The following PDZD7 variants were observed in gnomAD, a reference collection of about 807,000 sequenced individuals.
The protein encoded by PDZD7 is PDZ domain containing 7.
PDZD7 carries 72 observed loss-of-function variants against 84.7 expected under a neutral mutation model. That is an observed-to-expected ratio of 0.85 (90% CI 0.70 to 1.03). The LOEUF (loss-of-function observed/expected upper bound fraction) is 1.03. Ranked by LOEUF, PDZD7 falls within the 50% of genes least tolerant of loss-of-function variation. The probability of loss-of-function intolerance (pLI) is 0.00; values close to 1 mark genes in which losing one functional copy is unlikely to be tolerated. For missense variants in PDZD7, 1,490 were observed against 1,412.9 expected (o/e 1.05, Z -0.87); for synonymous variants, 594 against 580.7 (o/e 1.02, Z -0.33).
intron 14 of PDZD7, chr10:101,011,119 C>T: frequency 7.9e-7 from 1 of 1,270,848 alleles, no homozygotes. Context: ...TGGCTCACTG[C>T]AACCTCCACC....
rs3051194 is a variant in PDZD7, at chr10:101,026,663, T to TCACACACACA, written c.227-2605_227-2596dup. Among the ~76,000 whole-genome samples the TCACACACACA allele has an allele frequency of 2.6e-3, 319 of 123,884 alleles. 3 individuals are homozygous for TCACACACACA. Among genetic ancestry groups the TCACACACACA allele is most frequent in the Admixed American group, 3.6e-3 (44 of 12,132 alleles). 81.3% of individuals were successfully genotyped at this position (123,884 alleles called of 152,430 possible). The stretch of plus-strand genomic sequence containing the variant: ...TCTAGAGGTGTTTGACAGGGAGAAA[T>TCACACACACA]CACACACACACACACACACACACAC... On this transcript the variant is annotated intron_variant, in intron 2 of 16. Coordinates refer to ENST00000619208, the MANE Select transcript of PDZD7 (RefSeq NM_001195263.2).
At chr10:101,017,888 AAAG>A (rs1315654190) in intron 9 of PDZD7, 9 of 197,744 alleles carry the variant, frequency 4.6e-5, no homozygotes, top group Admixed American at 8.6e-5. Flanking sequence ...AGAAAGAAAG[AAAG>A]AAAAGAAAGA....
At chr10:101,020,809 G>A in intron 6 of PDZD7, 131 bp from the exon 7 acceptor site, 1 of 694,336 alleles carries the variant, frequency 1.4e-6, no homozygotes, top group Non-Finnish European at 2.5e-6. Flanking sequence ...TCATGCTCTG[G>A]CCGCACAGGC....
At chr10:101,009,789 T>C (rs1852334934) in intron 15 of PDZD7, among the ~76,000 whole-genome samples, 1 of 152,064 alleles carries the variant, frequency 6.6e-6, no homozygotes, top group South Asian at 2.1e-4. Context: ...GTATTTTTAG[T>C]AGAGACAGGG....
intron 11 of PDZD7, among the ~76,000 whole-genome samples, chr10:101,015,326 C>A (rs1033272575): frequency 6.6e-6 from 1 of 152,196 alleles, no homozygotes; most frequent in African/African-American, 2.4e-5. Flanking sequence ...TCTAGGAGGG[C>A]CTCCCAGCCC....
Position 101,008,312 on chromosome 10 carries a change from G to A in PDZD7, c.*155C>T, listed in dbSNP as rs563897201. The A allele has an allele frequency of 1.4e-5, 11 of 802,976 alleles. No homozygotes were observed. In the African/African-American group the frequency reaches 1.4e-4, roughly 10 times the overall value. 49.7% of individuals were successfully genotyped at this position (802,976 alleles called of 1,614,324 possible). A position where few individuals can be genotyped will look rare whatever the true frequency, so the allele number is the denominator to read the frequency against. ...AAGGCAGAGCCTTAATGACAGCTGA[G>A]GAGGGAAGAAAGTGGAAAGATGTGA... On this transcript the variant is annotated 3_prime_UTR_variant, in exon 17 of 17. Transcript: ENST00000619208.
chr10:101,008,281 G>A lies in PDZD7; in HGVS notation c.*186C>T. 1 of 672,878 alleles carries A rather than the reference G, an allele frequency of 1.5e-6. No individual in the cohort carries two copies. Among genetic ancestry groups the A allele is most frequent in the East Asian group, 2.7e-5 (1 of 36,442 alleles). The allele number at this position is 672,878 out of a possible 1,614,324, so 41.7% of individuals were successfully genotyped here. A position where few individuals can be genotyped will look rare whatever the true frequency, so the allele number is the denominator to read the frequency against. On this transcript the variant is annotated 3_prime_UTR_variant, in exon 17 of 17. Coordinates refer to ENST00000619208, the MANE Select transcript of PDZD7 (RefSeq NM_001195263.2). ...GCTGCCCACTAGCACCTTGTCCTTG[G>A]ACACTAAGGCAGAGCCTTAATGACA...
intron 4 of PDZD7, 25 bp from the exon 5 acceptor site, chr10:101,022,410 G>C: frequency 6.2e-7 from 1 of 1,613,322 alleles, no homozygotes; most frequent in South Asian, 1.1e-5. Context: ...GGGGCCCTCA[G>C]GTGGGGTCCT....
chr10:101,017,839 G>C, intron 9 of PDZD7: 2 of 91,142 alleles, frequency 2.2e-5, no homozygotes, highest in Non-Finnish European at 4.4e-5. Flanking sequence ...AGGAAGGAAG[G>C]AAAGAAAGAA....
chr10:101,015,464 ATGTGTGTGTG>A (rs10579208), intron 11 of PDZD7, among the ~76,000 whole-genome samples, 162 bp downstream of exon 11: 4 of 149,680 alleles, frequency 2.7e-5, no homozygotes, highest in South Asian at 4.2e-4. Context: ...GAGCTGGCAG[ATGTGTGTGTG>A]TGTGTGTGTG....
At chr10:101,023,350 C>T (rs1348951187) in intron 4 of PDZD7, 86 bp downstream of exon 4, 2 of 1,537,156 alleles carry the variant, frequency 1.3e-6, no homozygotes, top group East Asian at 2.3e-5. Context: ...GAACAGAAGC[C>T]TCTCCTGCCA....
chr10:101,021,904 A>G lies in PDZD7; in HGVS notation c.761T>C (p.Val254Ala). The change falls in exon 6 of 17, where the codon GTG becomes GCG. Residue 254 changes from valine (V) to alanine (A), a missense_variant. Transcript: ENST00000619208. The part of the protein sequence containing the change: ...GGLAEENGIK[V>A]GDQVLAANGV... The stretch of plus-strand genomic sequence containing the variant: ...GTTGGCTGCCAGGACCTGGTCCCCC[A>G]CCTTGATGCCATTCTCCTCGGCCAG... The G allele has an allele frequency of 6.2e-7, 1 of 1,613,504 alleles. No homozygotes were observed. The highest frequency in any genetic ancestry group is 8.5e-7 in the Non-Finnish European group (1 of 1,179,862).
chr10:101,029,895 T>C (rs1304615883), intron 2 of PDZD7, 99 bp downstream of exon 2: 36 of 1,270,856 alleles, frequency 2.8e-5, no homozygotes, highest in Middle Eastern at 2.7e-4. Flanking sequence ...TCTCTTGAAT[T>C]CCCCCAATCA....
In PDZD7 at chr10:101,010,704, G is replaced by T. The variant is rs755604146; in HGVS notation, c.2185C>A (p.Arg729=). ...DVPVDAFTPL[R]IACTPPPQLP... ...TGGGGAGGGGGTGTGCAGGCAATTC[G>T]GAGGGGGGTGAAGGCATCTACTGGC... is the stretch of plus-strand genomic sequence containing the variant. The change falls in exon 15 of 17, where the codon CGA becomes AGA. Residue 729 remains arginine (R), a synonymous_variant. Transcript: ENST00000619208. 13 of 1,386,242 alleles carry T rather than the reference G, an allele frequency of 9.4e-6. No homozygotes were observed. In the South Asian group the frequency reaches 1.6e-4, roughly 17 times the overall value. The allele number at this position is 1,386,242 out of a possible 1,614,324, so 85.9% of individuals were successfully genotyped here.
intron 14 of PDZD7, 75 bp downstream of exon 14, chr10:101,011,615 A>T (rs556043519): frequency 1.8e-5 from 27 of 1,515,586 alleles, no homozygotes; most frequent in Non-Finnish European, 2.3e-5. Flanking sequence ...TGGGGAAAGA[A>T]GTAGAAGGCC....
At chr10:101,011,872 T>C (rs1258241151) in intron 13 of PDZD7, 53 bp downstream of exon 13, 5 of 1,549,026 alleles carry the variant, frequency 3.2e-6, no homozygotes, top group Middle Eastern at 1.9e-4. Flanking sequence ...CGGGGTCCCA[T>C]CCCCACCCCC....
At chr10:101,029,133 G>A (rs1370873447) in intron 2 of PDZD7, among the ~76,000 whole-genome samples, 1 of 152,210 alleles carries the variant, frequency 6.6e-6, no homozygotes, top group Non-Finnish European at 1.5e-5. Flanking sequence ...CTCCGCACCT[G>A]GCATTCTAGG....
chr10:101,008,600 A>G lies in PDZD7; in HGVS notation c.2969T>C (p.Leu990Pro), dbSNP rs1207166469. The G allele has an allele frequency of 1.3e-6, 2 of 1,535,548 alleles. No homozygotes were observed. The highest frequency in any genetic ancestry group is 4.9e-5 in the East Asian group (2 of 40,902). Residue 990 changes from leucine to proline, a missense_variant, in exon 17 of 17, where the codon CTC becomes CCC. Transcript: ENST00000619208. ...LDAAPVPAHW[L>P]PEPPTNPQTP... The stretch of plus-strand genomic sequence containing the variant: ...CTGGGGATTGGTGGGAGGTTCTGGG[A>G]GCCAGTGGGCAGGAACTGGAGCAGC...
intron 11 of PDZD7, among the ~76,000 whole-genome samples, chr10:101,014,721 A>T (rs1590050940): frequency 6.6e-6 from 1 of 150,596 alleles, no homozygotes; most frequent in African/African-American, 2.5e-5. Flanking sequence ...GCTTGCTCAC[A>T]TGCACACACA....
Sources: allele counts gnomAD v4.1 joint callset (sites outside exome capture counted in the v4.1 genomes callset), GRCh38; gene constraint gnomAD v4.1.1; transcripts MANE v1.5; gene names NCBI Gene and HGNC (gene_info 2026-07-23, HGNC 2026-07-21).